The following SMYD3 variants were observed in gnomAD, a reference collection of about 807,000 sequenced individuals.
SMYD3 encodes the protein histone-lysine N-methyltransferase SMYD3.
In SMYD3, 36 loss-of-function variants were observed where a neutral mutation model predicts 57.7. The observed-to-expected ratio is 0.62, with a 90% CI of 0.48 to 0.82. SMYD3 has a LOEUF of 0.82. SMYD3 is among the 40% of genes least tolerant of loss of function. SMYD3 has a pLI of 0.00. For synonymous variants in SMYD3, 211 were observed against 195.0 expected (o/e 1.08, Z -0.68); for missense variants, 515 against 538.8 (o/e 0.96, Z 0.44).
intron 1 of SMYD3, among the ~76,000 whole-genome samples, chr1:246,438,120 C>T (rs1172898265): frequency 6.6e-6 from 1 of 151,998 alleles, no homozygotes; most frequent in Non-Finnish European, 1.5e-5. Flanking sequence ...TTCCCATCTG[C>T]TATGCAAAAA....
At chr1:246,345,108 A>G (rs1176186049) in intron 2 of SMYD3, among the ~76,000 whole-genome samples, 1 of 152,076 alleles carries the variant, frequency 6.6e-6, no homozygotes, top group South Asian at 2.1e-4. Context: ...TTTTTCTTGG[A>G]GGCTTAGTGC....
At chr1:246,023,048 A>G (rs550532304) in intron 5 of SMYD3, among the ~76,000 whole-genome samples, 1 of 152,256 alleles carries the variant, frequency 6.6e-6, no homozygotes. Context: ...TTCTCTACCA[A>G]TCCATTCTCT....
intron 1 of SMYD3, among the ~76,000 whole-genome samples, chr1:246,457,992 A>T (rs1018798262): frequency 3.3e-5 from 5 of 152,186 alleles, no homozygotes; most frequent in African/African-American, 7.2e-5. Context: ...TATATTTAAA[A>T]CGTATGTGAT....
chr1:245,844,399 C>A (rs2050554993), intron 10 of SMYD3, among the ~76,000 whole-genome samples: 1 of 152,014 alleles, frequency 6.6e-6, no homozygotes, highest in Admixed American at 6.6e-5. Flanking sequence ...CTCTCTGGAC[C>A]CCCCAGATAT....
At chr1:246,236,559 G>T (rs1315734574) in intron 5 of SMYD3, among the ~76,000 whole-genome samples, 5 of 152,110 alleles carry the variant, frequency 3.3e-5, no homozygotes, top group Non-Finnish European at 5.9e-5. Flanking sequence ...GGACTACAGA[G>T]GCCTGCCACC....
At chr1:246,434,700 A>C (rs527749382) in intron 1 of SMYD3, among the ~76,000 whole-genome samples, 28 of 152,250 alleles carry the variant, frequency 1.8e-4, no homozygotes, top group Non-Finnish European at 3.5e-4. Context: ...TGTTAGTGGG[A>C]ATGTAACCTA....
At chr1:246,295,281 T>C (rs935122275) in intron 5 of SMYD3, among the ~76,000 whole-genome samples, 1 of 152,174 alleles carries the variant, frequency 6.6e-6, no homozygotes, top group Middle Eastern at 3.2e-3. Flanking sequence ...ATCCCACTGC[T>C]GCCCAGCAGC....
intron 5 of SMYD3, among the ~76,000 whole-genome samples, chr1:246,161,705 G>A (rs181509904): frequency 2.0e-5 from 3 of 152,332 alleles, no homozygotes; most frequent in African/African-American, 7.2e-5. Flanking sequence ...CTTCTAAAAT[G>A]TAAAAAGAGA....
At chr1:245,797,803 T>C (rs1244988887) in intron 10 of SMYD3, among the ~76,000 whole-genome samples, 5 of 138,368 alleles carry the variant, frequency 3.6e-5, no homozygotes, top group Admixed American at 7.5e-5. Context: ...TGCCAAGACA[T>C]GTCCTCTCAA....
In SMYD3 at chr1:246,416,554, T is replaced by TA. The variant is rs35559952; in HGVS notation, c.165-61461dup. ...TTAGAACAGTGTCCACTGGGAAAAG[T>TA]AAAAAAAAAAAAAAAAAACTTTTAC... On this transcript the variant is annotated intron_variant, in intron 1 of 11. Coordinates refer to ENST00000490107, the MANE Select transcript of SMYD3 (RefSeq NM_001167740.2). Among the ~76,000 whole-genome samples the TA allele has an allele frequency of 2.5e-3, 351 of 139,302 alleles. 1 individual carries two copies. The highest frequency in any genetic ancestry group is 8.7e-3 in the African/African-American group (325 of 37,362). The allele number at this position is 139,302 out of a possible 152,430, so 91.4% of individuals were successfully genotyped here.
chr1:245,820,971 C>T (rs1039285285), intron 10 of SMYD3, among the ~76,000 whole-genome samples: 2 of 150,902 alleles, frequency 1.3e-5, no homozygotes, highest in African/African-American at 4.8e-5. Flanking sequence ...CCATACTGCC[C>T]AAGGTAATTT....
At chr1:246,252,694 T>C (rs2063816510) in intron 5 of SMYD3, among the ~76,000 whole-genome samples, 1 of 152,216 alleles carries the variant, frequency 6.6e-6, no homozygotes, top group Non-Finnish European at 1.5e-5. Flanking sequence ...GACTGTTATA[T>C]ATGAGGCAGA....
chr1:246,367,711 C>T (rs1429327111), intron 1 of SMYD3, among the ~76,000 whole-genome samples: 3 of 151,984 alleles, frequency 2.0e-5, no homozygotes, highest in African/African-American at 7.3e-5. Flanking sequence ...AGATTACAGG[C>T]GTGAGCCACC....
At chr1:245,779,245 G>T (rs771149324) in intron 10 of SMYD3, among the ~76,000 whole-genome samples, 4 of 151,056 alleles carry the variant, frequency 2.6e-5, no homozygotes, top group Non-Finnish European at 4.4e-5. Flanking sequence ...ATATACATCA[G>T]ATTGAAGGCT....
At position 246,248,630 on chromosome 1, in the gene SMYD3, ACTTTC is replaced by A. The variant is rs1177852287; in HGVS notation, c.531+78566_531+78570del. 1.8e-4 allele frequency among the ~76,000 whole-genome samples: 19 copies of A among 102,750 alleles called. 2 individuals carry two copies. Among genetic ancestry groups the A allele is most frequent in the East Asian group, 5.9e-4 (1 of 1,694 alleles). The allele number at this position is 102,750 out of a possible 152,430, so 67.4% of individuals were successfully genotyped here. A position where few individuals can be genotyped will look rare whatever the true frequency, so the allele number is the denominator to read the frequency against. On this transcript the variant is annotated intron_variant, in intron 5 of 11. Coordinates refer to ENST00000490107, the MANE Select transcript of SMYD3 (RefSeq NM_001167740.2). ...GGGCCAGTTATGCAAAAGCTCTCTG[ACTTTC>A]CTTTTTTTTTTTTTTTTTTTTTTTG...
intron 1 of SMYD3, among the ~76,000 whole-genome samples, chr1:246,501,708 T>C (rs1225513899): frequency 6.6e-6 from 1 of 152,200 alleles, no homozygotes; most frequent in Non-Finnish European, 1.5e-5. Flanking sequence ...CTAGCAATCC[T>C]AGGTAAATCC....
intron 5 of SMYD3, among the ~76,000 whole-genome samples, chr1:246,318,373 T>C (rs1280668404): frequency 6.6e-6 from 1 of 152,160 alleles, no homozygotes; most frequent in East Asian, 1.9e-4. Flanking sequence ...ATCCTGTCTT[T>C]AAAAATAATT....
At chr1:246,116,930 G>A (rs1302436984) in intron 5 of SMYD3, among the ~76,000 whole-genome samples, 1 of 152,068 alleles carries the variant, frequency 6.6e-6, no homozygotes, top group Non-Finnish European at 1.5e-5. Context: ...TCAGTCAAAA[G>A]GCATTAACTC....
chr1:246,407,491 G>A (rs2066885470), intron 1 of SMYD3, among the ~76,000 whole-genome samples: 1 of 152,192 alleles, frequency 6.6e-6, no homozygotes, highest in Non-Finnish European at 1.5e-5. Context: ...CAATGTCCTA[G>A]GCAGCTGAGG....
Sources: gnomAD v4.1 joint callset for allele counts (sites outside exome capture counted in the v4.1 genomes callset) on GRCh38, gnomAD v4.1.1 for gene constraint, MANE v1.5 for transcripts, NCBI Gene and HGNC (gene_info 2026-07-23, HGNC 2026-07-21) for gene names.